The following VPS8 variants were observed in gnomAD, a reference collection of about 807,000 sequenced individuals.
VPS8 encodes vacuolar protein sorting-associated protein 8 homolog.
In VPS8, 129 loss-of-function variants were observed where a neutral mutation model predicts 216.4. The observed-to-expected ratio is 0.60, with a 90% confidence interval of 0.52 to 0.69. The LOEUF is 0.69. Ranked by LOEUF, VPS8 falls within the 30% of genes least tolerant of loss-of-function variation. The pLI is 0.00. For missense variants in VPS8, 1,531 were observed against 1,683.5 expected (o/e 0.91, Z 1.59); for synonymous variants, 571 against 565.4 (o/e 1.01, Z -0.14).
chr3:184,886,528 T>C (rs1267419147), intron 22 of VPS8, among the ~76,000 whole-genome samples: 3 of 146,520 alleles, frequency 2.0e-5, no homozygotes, highest in African/African-American at 2.5e-5. Context: ...CATACACATA[T>C]ACACACACAC....
chr3:185,018,290 G>A (rs1048973156), intron 45 of VPS8, among the ~76,000 whole-genome samples: 19 of 152,130 alleles, frequency 1.2e-4, no homozygotes, highest in Admixed American at 3.3e-4. Context: ...TCCTGTAACC[G>A]AGCCATAAAA....
At chr3:184,985,921 G>A (rs1024446205) in intron 42 of VPS8, among the ~76,000 whole-genome samples, 3 of 152,218 alleles carry the variant, frequency 2.0e-5, no homozygotes, top group Non-Finnish European at 2.9e-5. Context: ...AAGACATAGA[G>A]ACGAGGAGAG....
intron 1 of VPS8, among the ~76,000 whole-genome samples, chr3:184,820,151 G>C (rs1717247693): frequency 6.6e-6 from 1 of 152,148 alleles, no homozygotes; most frequent in African/African-American, 2.4e-5. Flanking sequence ...CGTAAAGTTA[G>C]TAGTATAAAA....
intron 25 of VPS8, among the ~76,000 whole-genome samples, chr3:184,912,085 T>C (rs532128230): frequency 6.6e-6 from 1 of 152,332 alleles, no homozygotes; most frequent in Admixed American, 6.5e-5. Context: ...TTTTTACTTC[T>C]GAAGAGTTGT....
At chr3:185,013,242 GTTTGGGGGCCAGTTTATGGCCAGA>G (rs1262527758) in intron 45 of VPS8, among the ~76,000 whole-genome samples, 2 of 152,226 alleles carry the variant, frequency 1.3e-5, no homozygotes, top group Non-Finnish European at 1.5e-5. Flanking sequence ...TTTATGGCCA[GTTTGGGGGCCAGTTTATGGCCAGA>G]TTTGGGGGGC....
At chr3:184,863,227 A>T (rs572360989) in intron 16 of VPS8, among the ~76,000 whole-genome samples, 160 bp downstream of exon 16, 77 of 152,310 alleles carry the variant, frequency 5.1e-4, no homozygotes, top group African/African-American at 1.8e-3. Context: ...GGATGTGCTT[A>T]TAAGTGTTTG....
chr3:184,815,095 AC>A (rs1716022274), intron 1 of VPS8, among the ~76,000 whole-genome samples: 1 of 152,204 alleles, frequency 6.6e-6, no homozygotes, highest in Non-Finnish European at 1.5e-5. Context: ...AGGCAGTAAC[AC>A]ATAGGGAACT....
In VPS8 at chr3:184,824,723, G is replaced by A; in HGVS notation, c.91G>A (p.Ala31Thr). The change falls in exon 2 of 48, where the codon GCT (alanine) becomes ACT (threonine). Residue 31 changes from alanine (A) to threonine (T), a missense_variant. By Grantham distance (58) the Ala-to-Thr change is moderately conservative. Transcript: ENST00000625842. ...EELNKSFNLE[A>T]SLSKFSYIDM... is the part of the protein sequence containing the mutation. ...GCTGAATAAGTCTTTCAATCTAGAA[G>A]CTTCACTTTCAAAATTCTCTTACAT... 1.9e-6 allele frequency: 3 copies of A among 1,613,752 alleles called. No individual in the cohort carries two copies. Among genetic ancestry groups the A allele is most frequent in the Non-Finnish European group, 2.5e-6 (3 of 1,179,804 alleles).
chr3:184,991,026 T>G (rs73885634), intron 42 of VPS8, among the ~76,000 whole-genome samples: 6,585 of 152,238 alleles, frequency 0.043, 455 homozygotes, highest in African/African-American at 0.15. Context: ...TGAAGTAACT[T>G]TTAGCTTCTG....
intron 23 of VPS8, among the ~76,000 whole-genome samples, chr3:184,897,261 G>A (rs1443219447): frequency 2.0e-5 from 3 of 152,168 alleles, no homozygotes; most frequent in Non-Finnish European, 2.9e-5. Flanking sequence ...GTGAGATGAA[G>A]AGAGATGGCC....
intron 30 of VPS8, among the ~76,000 whole-genome samples, chr3:184,925,393 G>A (rs1223369225): frequency 1.3e-5 from 2 of 152,168 alleles, no homozygotes; most frequent in Admixed American, 6.5e-5. Context: ...TTCCACAGGT[G>A]GCAAAGAAAA....
intron 42 of VPS8, among the ~76,000 whole-genome samples, chr3:184,986,637 C>G (rs902827602): frequency 6.6e-6 from 1 of 152,158 alleles, no homozygotes; most frequent in Non-Finnish European, 1.5e-5. Flanking sequence ...AAACCCTAAA[C>G]AGATTGGATG....
Position 184,966,660 on chromosome 3 carries a change from TTA to T in VPS8, c.3274-9_3274-8del. On this transcript the variant is annotated splice_polypyrimidine_tract_variant and intron_variant, in intron 38 of 47. Transcript: ENST00000625842. ...TTCCTTTTTAACTCCTATGTTCTTT[TTA>T]TCTCCTAGAGACTACAAAGCAAACT... 1 of 1,553,926 alleles carries T rather than the reference TTA, an allele frequency of 6.4e-7. No individual in the cohort carries two copies.
chr3:184,986,320 A>G (rs1423962727), intron 42 of VPS8, among the ~76,000 whole-genome samples: 1 of 152,210 alleles, frequency 6.6e-6, no homozygotes, highest in African/African-American at 2.4e-5. Flanking sequence ...ATAAGAATAA[A>G]GAAAAATTAC....
intron 45 of VPS8, among the ~76,000 whole-genome samples, chr3:185,011,340 A>G (rs7613928): frequency 0.9 from 137,386 of 152,258 alleles, 62,982 homozygotes; most frequent in Non-Finnish European, 0.98. Context: ...TTTCTAGGGC[A>G]CCTCTTGGCT....
chr3:184,876,353 C>CTT (rs200594499), intron 21 of VPS8, among the ~76,000 whole-genome samples: 2 of 145,284 alleles, frequency 1.4e-5, no homozygotes, highest in African/African-American at 2.5e-5. Context: ...GTTAAAAATG[C>CTT]TTTTTTTTTT....
chr3:184,906,994 T>G (rs1298181359), intron 25 of VPS8, among the ~76,000 whole-genome samples: 1 of 152,192 alleles, frequency 6.6e-6, no homozygotes, highest in African/African-American at 2.4e-5. Context: ...GGTCTCAGTC[T>G]GTTTAGAAAG....
intron 25 of VPS8, 122 bp from the exon 26 acceptor site, chr3:184,913,397 T>C (rs1163078672): frequency 5.2e-6 from 4 of 775,874 alleles, no homozygotes; most frequent in Non-Finnish European, 8.4e-6. Flanking sequence ...CTTCCTGTTA[T>C]TTGGGAATAT....
chr3:184,955,675 C>T (rs971207745), intron 36 of VPS8, among the ~76,000 whole-genome samples: 1 of 151,998 alleles, frequency 6.6e-6, no homozygotes, highest in Non-Finnish European at 1.5e-5. Flanking sequence ...TGCTAAGCCC[C>T]GTAGGACTGG....
Sources: allele counts gnomAD v4.1 joint callset (sites outside exome capture counted in the v4.1 genomes callset), GRCh38; gene constraint gnomAD v4.1.1; transcripts MANE v1.5; gene names NCBI Gene and HGNC (gene_info 2026-07-23, HGNC 2026-07-21).